Variants in TFEB observed in about 807,000 individuals in gnomAD.
The protein encoded by TFEB is T-cell transcription factor EB.
A neutral mutation model predicts 48.0 loss-of-function variants in TFEB; 12 were observed. The observed-to-expected ratio is 0.25, with a 90% CI of 0.16 to 0.40. The LOEUF is 0.40. Ranked by LOEUF, TFEB falls within the 10% of genes least tolerant of loss-of-function variation. TFEB has a pLI of 1.00. For missense variants in TFEB, 509 were observed against 640.3 expected, an observed-to-expected ratio of 0.79 and a Z score of 2.21; for synonymous variants, 244 against 261.4, an observed-to-expected ratio of 0.93 and a Z score of 0.64.
At chr6:41,708,728 C>T (rs1346506582) in intron 1 of TFEB, among the ~76,000 whole-genome samples, 1 of 152,196 alleles carries the variant, frequency 6.6e-6, no homozygotes, top group Admixed American at 6.5e-5. Context: ...TGACCTGATA[C>T]TGAATAGCTA....
At chr6:41,685,653 G>A (rs1277473418) in intron 8 of TFEB, among the ~76,000 whole-genome samples, 1 of 152,178 alleles carries the variant, frequency 6.6e-6, no homozygotes, top group African/African-American at 2.4e-5. Context: ...GAGATTCCTA[G>A]TGCCACCCAC....
At chr6:41,697,408 C>CAAAAAAAAAAAAAAAAAAAAAAAAAAAA (rs56059829) in intron 1 of TFEB, among the ~76,000 whole-genome samples, 19 of 63,502 alleles carry the variant, frequency 3.0e-4, no homozygotes, top group African/African-American at 1.6e-3. Flanking sequence ...AACTCCATCT[C>CAAAAAAAAAAAAAAAAAAAAAAAAAAAA]AAAAAAAAAA....
At chr6:41,710,507 G>C (rs1302417002) in intron 1 of TFEB, among the ~76,000 whole-genome samples, 1 of 152,236 alleles carries the variant, frequency 6.6e-6, no homozygotes, top group Non-Finnish European at 1.5e-5. Flanking sequence ...CTGAAGAGCA[G>C]AGAGGATTTA....
Position 41,684,260 on chromosome 6 carries a change from T to C in TFEB, c.*339A>G, listed in dbSNP as rs1017944892. The C allele has an allele frequency of 2.6e-5, 7 of 268,978 alleles. No homozygotes were observed. The allele number at this position is 268,978 out of a possible 1,614,324, so 16.7% of individuals were successfully genotyped here. A position where few individuals can be genotyped will look rare whatever the true frequency, so the allele number is the denominator to read the frequency against. On this transcript the variant is annotated 3_prime_UTR_variant, in exon 9 of 9. Transcript: ENST00000373033. ...ACCCCTCAAGCATGTCCTTCACTGG[T>C]AATGAGGGGCTCGGGCTCAGAAGAC...
In TFEB at chr6:41,684,344, G is replaced by A. The variant is rs1768872468; in HGVS notation, c.*255C>T. The A allele has an allele frequency of 2.4e-5, 9 of 369,520 alleles. No individual in the cohort carries two copies. Among genetic ancestry groups the A allele is most frequent in the Non-Finnish European group, 3.8e-5 (8 of 208,380 alleles). The allele number at this position is 369,520 out of a possible 1,614,324, so 22.9% of individuals were successfully genotyped here. Reference sequence around the variant, plus strand: ...AGAACACCCTGCCCCTCCCTGCCCCGCGATTCCATCTCCGGGAGAGGGGCT... The same window carrying A: ...AGAACACCCTGCCCCTCCCTGCCCCACGATTCCATCTCCGGGAGAGGGGCT... On this transcript the variant is annotated 3_prime_UTR_variant, in exon 9 of 9. Transcript: ENST00000373033.
At position 41,723,693 on chromosome 6, in the gene TFEB, G is replaced by GAC; in HGVS notation, c.-23+11655_-23+11656dup. ...CACAGCACAGAGGGAACTGCGCCCC[G>GAC]ACGGCACAGTCCCACACCGCAGCCT... On this transcript the variant is annotated intron_variant, in intron 1 of 8. Coordinates refer to ENST00000373033, the MANE Select transcript of TFEB (RefSeq NM_001271944.2). The surrounding 1 kb of genome is among the most constrained non-coding windows in gnomAD (Gnocchi z 6.0). 2.2e-6 allele frequency: 1 copy of GAC among 451,040 alleles called. No homozygotes were observed. Among genetic ancestry groups the GAC allele is most frequent in the Non-Finnish European group, 3.8e-6 (1 of 263,004 alleles). The allele number at this position is 451,040 out of a possible 1,614,324, so 27.9% of individuals were successfully genotyped here. A position where few individuals can be genotyped will look rare whatever the true frequency, so the allele number is the denominator to read the frequency against.
chr6:41,692,487 T>C (rs929085652), intron 1 of TFEB, among the ~76,000 whole-genome samples: 1 of 152,138 alleles, frequency 6.6e-6, no homozygotes, highest in Non-Finnish European at 1.5e-5. Context: ...CAGAGAGGAC[T>C]TCCCACCAGC....
At chr6:41,688,195 A>G in intron 4 of TFEB, 167 bp from the exon 5 acceptor site, 1 of 792,372 alleles carries the variant, frequency 1.3e-6, no homozygotes, top group Non-Finnish European at 1.9e-6. Flanking sequence ...TGCAGAGTCC[A>G]GAGCTATTAT....
At chr6:41,729,871 G>T (rs1771378629) in intron 1 of TFEB, among the ~76,000 whole-genome samples, 1 of 152,226 alleles carries the variant, frequency 6.6e-6, no homozygotes, top group South Asian at 2.1e-4. Flanking sequence ...CCAGGAGAAG[G>T]ACGGCTCTCA....
Position 41,691,202 on chromosome 6 carries a change from G to A in TFEB, c.12C>T (p.Arg4=). The A allele has an allele frequency of 6.3e-7, 1 of 1,585,712 alleles. No homozygotes were observed. The change falls in exon 2 of 9, where the codon CGC becomes CGT. Residue 4 remains arginine, a synonymous_variant. Coordinates refer to ENST00000373033, the MANE Select transcript of TFEB (RefSeq NM_001271944.2). The surrounding 1 kb of genome is among the most constrained non-coding windows in gnomAD (Gnocchi z 5.2). MAS[R]IGLRMQLMRE... is the part of the protein sequence containing the mutation. ...GCATGAGCTGCATGCGCAACCCTAT[G>A]CGTGACGCCATGGTGGCTGCCGGCG...
intron 8 of TFEB, 57 bp from the exon 9 acceptor site, chr6:41,685,135 A>T: frequency 1.5e-6 from 2 of 1,359,900 alleles, no homozygotes; most frequent in Non-Finnish European, 1.9e-6. Context: ...AGCCACCAGG[A>T]CCCCTCCCCT....
intron 1 of TFEB, among the ~76,000 whole-genome samples, chr6:41,702,824 T>C (rs1221445247): frequency 1.3e-5 from 2 of 152,212 alleles, no homozygotes; most frequent in Non-Finnish European, 2.9e-5. Context: ...TGCATCGGTA[T>C]GCACCACCCA....
intron 1 of TFEB, among the ~76,000 whole-genome samples, chr6:41,700,423 G>C (rs951568001): frequency 6.9e-6 from 1 of 144,010 alleles, no homozygotes; most frequent in Non-Finnish European, 1.5e-5. Context: ...CCGAGATCTC[G>C]CCACTGCACT....
rs959872684 is a variant in TFEB, at chr6:41,723,470, G to A, written c.-23+11880C>T. The A allele has an allele frequency of 1.0e-5, 13 of 1,288,698 alleles. No homozygotes were observed. Among genetic ancestry groups the A allele is most frequent in the South Asian group, 1.2e-5 (1 of 80,998 alleles). 79.8% of individuals were successfully genotyped at this position (1,288,698 alleles called of 1,614,324 possible). On this transcript the variant is annotated intron_variant, in intron 1 of 8. Coordinates refer to ENST00000373033, the MANE Select transcript of TFEB (RefSeq NM_001271944.2). This position sits in a 1 kb window ranked among gnomAD's most constrained non-coding sequence, Gnocchi z 6.0. ...GCGTGTGCTCTCATACCTTCGAGAGGGCAGCCCCCTGGAAGGAGGCCCCTG... is the reference window on the plus strand; with the variant it reads ...GCGTGTGCTCTCATACCTTCGAGAGAGCAGCCCCCTGGAAGGAGGCCCCTG...
chr6:41,736,173 G>C (rs772712099), upstream of TFEB: 22 of 1,612,768 alleles, frequency 1.4e-5, no homozygotes, highest in African/African-American at 2.0e-4. Context: ...CATGTTGCTG[G>C]ACAGAAATTG....
chr6:41,688,909 G>C (rs1370532207), intron 4 of TFEB, among the ~76,000 whole-genome samples: 1 of 152,204 alleles, frequency 6.6e-6, no homozygotes, highest in African/African-American at 2.4e-5. Flanking sequence ...AAAGGCTCAT[G>C]CCCAAAGGCA....
rs570691799 is a variant in TFEB, at chr6:41,734,925, G to A, written c.-23+425C>T. 1,696 of 985,002 alleles carry A rather than the reference G, an allele frequency of 1.7e-3. 20 individuals carry two copies. In the African/African-American group the frequency reaches 0.022, roughly 13 times the overall value. The allele number at this position is 985,002 out of a possible 1,614,324, so 61.0% of individuals were successfully genotyped here. The stretch of plus-strand genomic sequence containing the variant: ...CTCCGACCCCCTCTCAGGCATCGCC[G>A]GCCCCAGCCGTGTCCGGTGGAGGGG... On this transcript the variant is annotated intron_variant, in intron 1 of 8. Coordinates refer to ENST00000373033, the MANE Select transcript of TFEB (RefSeq NM_001271944.2). The surrounding 1 kb of genome is among the most constrained non-coding windows in gnomAD (Gnocchi z 4.0).
At chr6:41,702,168 G>A (rs949953291) in intron 1 of TFEB, among the ~76,000 whole-genome samples, 16 of 151,978 alleles carry the variant, frequency 1.1e-4, no homozygotes, top group African/African-American at 1.7e-4. Flanking sequence ...CACCCTCAGC[G>A]AATCCTACAG....
At chr6:41,731,983 C>T (rs73733013) in intron 1 of TFEB, among the ~76,000 whole-genome samples, 3,236 of 152,302 alleles carry the variant, frequency 0.021, 122 homozygotes, top group African/African-American at 0.073. Context: ...GGCCAGGAAA[C>T]AGGTATGGTG....
Sources: allele counts gnomAD v4.1 joint callset (sites outside exome capture counted in the v4.1 genomes callset), GRCh38; gene constraint gnomAD v4.1.1; non-coding constraint Gnocchi (gnomAD v3.1); transcripts MANE v1.5; gene names NCBI Gene and HGNC (gene_info 2026-07-23, HGNC 2026-07-21).